The following LINGO1 variants were observed in gnomAD, a reference collection of about 807,000 sequenced individuals.
LINGO1 encodes leucine rich repeat and Ig domain containing 1, also known as leucine-rich repeat and immunoglobulin-like domain-containing nogo receptor-interacting protein 1.
A neutral mutation model predicts 37.3 loss-of-function variants in LINGO1; 11 were observed. The observed-to-expected ratio is 0.29, with a 90% CI of 0.19 to 0.49. LINGO1 has a LOEUF of 0.49. Among genes scored for constraint, LINGO1 ranks in the 20% least tolerant of loss-of-function variants. The probability of loss-of-function intolerance (pLI) is 0.99; values close to 1 mark genes in which losing one functional copy is unlikely to be tolerated. For synonymous variants in LINGO1, 387 were observed against 403.0 expected, an observed-to-expected ratio of 0.96 and a Z score of 0.48; for missense variants, 585 against 878.2, an observed-to-expected ratio of 0.67 and a Z score of 4.22.
intron 1 of LINGO1, among the ~76,000 whole-genome samples, chr15:77,815,658 G>A (rs1567598942): frequency 6.6e-6 from 1 of 152,238 alleles, no homozygotes; most frequent in East Asian, 1.9e-4. Flanking sequence ...ACCTCTGTAT[G>A]CCCAGGTGGT....
intron 2 of LINGO1, among the ~76,000 whole-genome samples, chr15:77,689,315 C>A (rs1390616074): frequency 6.6e-6 from 1 of 152,078 alleles, no homozygotes; most frequent in African/African-American, 2.4e-5. Context: ...GAGCAAAAAC[C>A]AGAGAAGACA....
At chr15:77,657,755 G>GGAGTAGA (rs1045078359) in intron 3 of LINGO1, among the ~76,000 whole-genome samples, 12 of 152,302 alleles carry the variant, frequency 7.9e-5, no homozygotes, top group African/African-American at 2.6e-4. Flanking sequence ...AGGGGGGCAG[G>GGAGTAGA]GAGTAGAGAT....
chr15:77,715,287 C>T (rs902520027), intron 2 of LINGO1, among the ~76,000 whole-genome samples: 5 of 152,170 alleles, frequency 3.3e-5, no homozygotes, highest in Admixed American at 3.3e-4. Context: ...CTGAGCAGGG[C>T]GTGGCTTGGG....
intron 1 of LINGO1, among the ~76,000 whole-genome samples, chr15:77,736,932 A>G (rs1478296547): frequency 6.6e-6 from 1 of 152,198 alleles, no homozygotes; most frequent in Non-Finnish European, 1.5e-5. Context: ...ATGTTTTCCT[A>G]ACGGACTGTC....
chr15:77,711,122 C>T (rs1049139294), intron 2 of LINGO1, among the ~76,000 whole-genome samples: 1 of 152,180 alleles, frequency 6.6e-6, no homozygotes, highest in African/African-American at 2.4e-5. Context: ...AAACTCGCAC[C>T]TCCCTTCAAA....
intron 2 of LINGO1, among the ~76,000 whole-genome samples, chr15:77,706,252 C>T (rs2075851109): frequency 1.3e-5 from 2 of 152,138 alleles, no homozygotes; most frequent in African/African-American, 2.4e-5. Flanking sequence ...CCTGTGATAT[C>T]CCCACCCAAC....
intron 1 of LINGO1, among the ~76,000 whole-genome samples, chr15:77,616,304 G>C (rs770422357): frequency 6.6e-6 from 1 of 152,194 alleles, no homozygotes; most frequent in South Asian, 2.1e-4. Context: ...TGGGCTCACA[G>C]TGGGGATCAA....
At chr15:77,629,762 T>C (rs2074198564) in intron 1 of LINGO1, among the ~76,000 whole-genome samples, 1 of 152,170 alleles carries the variant, frequency 6.6e-6, no homozygotes, top group Admixed American at 6.5e-5. Context: ...TCAAGGCAGA[T>C]CATGCTTAGC....
intron 2 of LINGO1, among the ~76,000 whole-genome samples, chr15:77,723,303 C>T (rs2141317268): frequency 6.6e-6 from 1 of 152,310 alleles, no homozygotes; most frequent in South Asian, 2.1e-4. Flanking sequence ...CTATTGAATG[C>T]TGCTGTAAGC....
At chr15:77,761,870 C>G (rs2076480729) in intron 1 of LINGO1, among the ~76,000 whole-genome samples, 1 of 152,238 alleles carries the variant, frequency 6.6e-6, no homozygotes, top group African/African-American at 2.4e-5. Context: ...GAGTCTCCAT[C>G]CCTGGCATAT....
intron 1 of LINGO1, among the ~76,000 whole-genome samples, chr15:77,617,662 C>CATT (rs1201293932): frequency 6.6e-6 from 1 of 152,248 alleles, no homozygotes; most frequent in Non-Finnish European, 1.5e-5. Context: ...ATGCATCAGC[C>CATT]ATTAAGGCAA....
chr15:77,664,170 T>TGTGTGTGTGTGTGCGCGCGCGCGCGCGC, intron 3 of LINGO1, among the ~76,000 whole-genome samples: 1 of 130,946 alleles, frequency 7.6e-6, no homozygotes, highest in African/African-American at 3.7e-5. Flanking sequence ...TGTGTGTGTG[T>TGTGTGTGTGTGTGCGCGCGCGCGCGCGC]GCGCGCGCGC....
intron 3 of LINGO1, among the ~76,000 whole-genome samples, chr15:77,657,504 T>C (rs1305269663): frequency 6.6e-6 from 1 of 152,044 alleles, no homozygotes; most frequent in Non-Finnish European, 1.5e-5. Context: ...CCAACTCTTC[T>C]CCCCAGACAT....
chr15:77,685,752 G>C (rs1265393301), intron 2 of LINGO1, among the ~76,000 whole-genome samples: 1 of 151,914 alleles, frequency 6.6e-6, no homozygotes, highest in African/African-American at 2.4e-5. Context: ...TTGGGAGGCT[G>C]AAGTGGGAGA....
chr15:77,758,976 T>C (rs115758856), intron 1 of LINGO1, among the ~76,000 whole-genome samples: 25 of 152,150 alleles, frequency 1.6e-4, no homozygotes, highest in African/African-American at 5.8e-4. Flanking sequence ...ACTCAGCCCA[T>C]AGGGAGCCCA....
chr15:77,820,376 C>G (rs1354562610), upstream of LINGO1: 1 of 152,474 alleles, frequency 6.6e-6, no homozygotes, highest in Non-Finnish European at 1.5e-5. Flanking sequence ...GCCGTGGAGC[C>G]CGGCCCTCGG....
intron 1 of LINGO1, among the ~76,000 whole-genome samples, chr15:77,818,873 G>A (rs1372943429): frequency 6.6e-6 from 1 of 151,758 alleles, no homozygotes; most frequent in Non-Finnish European, 1.5e-5. Context: ...CCGCCCGCCA[G>A]ACGGCCCGGC....
upstream of LINGO1, among the ~76,000 whole-genome samples, chr15:77,700,733 G>C (rs543832837): frequency 7.9e-5 from 12 of 152,304 alleles, no homozygotes; most frequent in South Asian, 2.3e-3. Flanking sequence ...GAGCAGGGGC[G>C]GGTAGGGGAG....
At chr15:77,661,568 T>G (rs899572524) in intron 3 of LINGO1, among the ~76,000 whole-genome samples, 6 of 152,204 alleles carry the variant, frequency 3.9e-5, no homozygotes, top group Admixed American at 3.9e-4. Context: ...CGCCAGACAC[T>G]ATCTGTTTCC....
Sources: allele counts gnomAD v4.1 joint callset (sites outside exome capture counted in the v4.1 genomes callset), GRCh38; gene constraint gnomAD v4.1.1; transcripts MANE v1.5; gene names NCBI Gene and HGNC (gene_info 2026-07-23, HGNC 2026-07-21).